The following C1orf146 variants were observed in gnomAD, a reference collection of about 807,000 sequenced individuals.
C1orf146 encodes chromosome 1 open reading frame 146.
C1orf146 carries 22 observed loss-of-function variants against 23.0 expected under a neutral mutation model. The observed-to-expected ratio is 0.96, with a 90% CI of 0.68 to 1.36. C1orf146 has a LOEUF of 1.36. Ranked by LOEUF, C1orf146 falls within the 40% of genes most tolerant of loss-of-function variation. The pLI is 0.00. For missense variants in C1orf146, 199 were observed against 206.8 expected, an observed-to-expected ratio of 0.96 and a Z score of 0.23; for synonymous variants, 59 against 65.3, an observed-to-expected ratio of 0.90 and a Z score of 0.47.
At chr1:92,227,264 C>A (rs1454790032) in intron 1 of C1orf146, among the ~76,000 whole-genome samples, 2 of 152,090 alleles carry the variant, frequency 1.3e-5, no homozygotes, top group Non-Finnish European at 1.5e-5. Flanking sequence ...GGTATTTGGC[C>A]GGGCGTGGTG....
chr1:92,237,634 C>T (rs1002368723), intron 2 of C1orf146, among the ~76,000 whole-genome samples: 1 of 152,236 alleles, frequency 6.6e-6, no homozygotes, highest in Non-Finnish European at 1.5e-5. Context: ...CTTCAAAGCT[C>T]AGATGGAAAT....
At chr1:92,236,225 A>C (rs1206633326) in intron 2 of C1orf146, among the ~76,000 whole-genome samples, 1 of 151,694 alleles carries the variant, frequency 6.6e-6, no homozygotes. Flanking sequence ...ACATTTTGGC[A>C]TGATTTTGCA....
chr1:92,238,053 C>G (rs534842040), intron 2 of C1orf146, among the ~76,000 whole-genome samples: 15 of 152,276 alleles, frequency 9.9e-5, no homozygotes, highest in African/African-American at 3.6e-4. Flanking sequence ...CCTCAGCCTC[C>G]CAAGTAGCTG....
At chr1:92,220,085 GTTTGTT>G (rs900157298) in intron 1 of C1orf146, among the ~76,000 whole-genome samples, 3 of 151,948 alleles carry the variant, frequency 2.0e-5, no homozygotes, top group Admixed American at 1.3e-4. Context: ...TTTTTTGTTT[GTTTGTT>G]TTTGTTTTTA....
At chr1:92,232,511 G>A (rs1652155492) in intron 2 of C1orf146, among the ~76,000 whole-genome samples, 1 of 151,858 alleles carries the variant, frequency 6.6e-6, no homozygotes, top group Admixed American at 6.6e-5. Flanking sequence ...GTCTATCATT[G>A]TTGGACATTT....
intron 1 of C1orf146, among the ~76,000 whole-genome samples, chr1:92,221,773 G>A (rs1651823300): frequency 6.6e-6 from 1 of 152,156 alleles, no homozygotes; most frequent in Non-Finnish European, 1.5e-5. Flanking sequence ...AGCAGCAATA[G>A]TAAGCAATTG....
chr1:92,230,706 G>T (rs545888341), intron 1 of C1orf146, among the ~76,000 whole-genome samples: 146 of 152,132 alleles, frequency 9.6e-4, no homozygotes, highest in African/African-American at 3.4e-3. Context: ...CTTGAGCCTA[G>T]GAGTTTGAGG....
At chr1:92,245,028 A>G (rs1570801668) in intron 5 of C1orf146, among the ~76,000 whole-genome samples, 171 bp downstream of exon 5, 1 of 152,102 alleles carries the variant, frequency 6.6e-6, no homozygotes, top group Admixed American at 6.6e-5. Context: ...AGTCTTCTCA[A>G]TTTACTTCCA....
intron 2 of C1orf146, among the ~76,000 whole-genome samples, chr1:92,237,936 CTTTG>C (rs1435684754): frequency 6.6e-6 from 1 of 151,718 alleles, no homozygotes; most frequent in Admixed American, 6.6e-5. Context: ...AGTTTTTGTT[CTTTG>C]TTTTTTTAAG....
intron 1 of C1orf146, among the ~76,000 whole-genome samples, chr1:92,226,934 A>G (rs1472301406): frequency 6.6e-6 from 1 of 152,180 alleles, no homozygotes; most frequent in Admixed American, 6.5e-5. Context: ...TTTTTAAACC[A>G]TAATTTGCTG....
chr1:92,224,977 G>A (rs761213274), intron 1 of C1orf146, among the ~76,000 whole-genome samples: 4 of 152,058 alleles, frequency 2.6e-5, no homozygotes, highest in East Asian at 1.9e-4. Context: ...TCTTGACCTC[G>A]TGATTTGCCC....
chr1:92,236,114 G>A (rs1652269506), intron 2 of C1orf146, among the ~76,000 whole-genome samples: 2 of 151,882 alleles, frequency 1.3e-5, no homozygotes, highest in East Asian at 1.9e-4. Flanking sequence ...TTACATTTAA[G>A]GTTAATATTG....
At chr1:92,226,947 T>G (rs1179997666) in intron 1 of C1orf146, among the ~76,000 whole-genome samples, 1 of 152,196 alleles carries the variant, frequency 6.6e-6, no homozygotes, top group Non-Finnish European at 1.5e-5. Context: ...ATTTGCTGAT[T>G]AACTCAGAAA....
intron 1 of C1orf146, among the ~76,000 whole-genome samples, chr1:92,220,734 A>C (rs1379297111): frequency 6.6e-6 from 1 of 152,174 alleles, no homozygotes; most frequent in Non-Finnish European, 1.5e-5. Context: ...TCATACTGTG[A>C]CCGCCAATTC....
At chr1:92,225,481 A>G (rs1651944222) in intron 1 of C1orf146, among the ~76,000 whole-genome samples, 2 of 152,046 alleles carry the variant, frequency 1.3e-5, no homozygotes, top group South Asian at 4.1e-4. Flanking sequence ...TTTATGTTTT[A>G]TGTTTGTTTT....
At chr1:92,228,485 A>G (rs1338824058) in intron 1 of C1orf146, among the ~76,000 whole-genome samples, 2 of 152,298 alleles carry the variant, frequency 1.3e-5, no homozygotes, top group Admixed American at 1.3e-4. Flanking sequence ...TCTGGATAAT[A>G]TCTTCCTCCA....
chr1:92,228,595 C>T (rs1557486628), intron 1 of C1orf146, among the ~76,000 whole-genome samples: 2 of 152,122 alleles, frequency 1.3e-5, no homozygotes, highest in African/African-American at 4.8e-5. Flanking sequence ...GGTTCAGGAG[C>T]CCTTGCCAGC....
chr1:92,221,300 G>T (rs887229165), intron 1 of C1orf146, among the ~76,000 whole-genome samples: 1 of 152,076 alleles, frequency 6.6e-6, no homozygotes, highest in African/African-American at 2.4e-5. Context: ...TGGACATAAA[G>T]ATACAAACAA....
At chr1:92,223,672 T>C (rs1252837463) in intron 1 of C1orf146, among the ~76,000 whole-genome samples, 1 of 152,106 alleles carries the variant, frequency 6.6e-6, no homozygotes, top group Admixed American at 6.6e-5. Context: ...AGCTGTGGAC[T>C]ACAGGTACGC....
Sources: gnomAD v4.1 joint callset for allele counts (sites outside exome capture counted in the v4.1 genomes callset) on GRCh38, gnomAD v4.1.1 for gene constraint, MANE v1.5 for transcripts, NCBI Gene and HGNC (gene_info 2026-07-23, HGNC 2026-07-21) for gene names.